Variants in KCND2 observed in about 807,000 individuals in gnomAD.
KCND2 encodes the protein potassium voltage-gated channel subfamily D member 2.
KCND2 carries 16 observed loss-of-function variants against 54.4 expected under a neutral mutation model. The observed-to-expected ratio is 0.29, with a 90% confidence interval of 0.20 to 0.45. KCND2 has a LOEUF of 0.45. KCND2 is among the 20% of genes least tolerant of loss of function. The pLI, the probability that KCND2 is intolerant of heterozygous loss-of-function variation, is 1.00. For synonymous variants in KCND2, 317 were observed against 310.7 expected (o/e 1.02, Z -0.21); for missense variants, 486 against 824.2 (o/e 0.59, Z 5.02).
chr7:120,744,822 C>T (rs1298440392), intron 4 of KCND2, among the ~76,000 whole-genome samples: 2 of 152,108 alleles, frequency 1.3e-5, no homozygotes, highest in Non-Finnish European at 2.9e-5. Context: ...TATCCCCACC[C>T]ATGCAAAGAA....
chr7:120,457,273 T>A (rs1188340143), intron 1 of KCND2, among the ~76,000 whole-genome samples: 1 of 152,230 alleles, frequency 6.6e-6, no homozygotes, highest in Non-Finnish European at 1.5e-5. Flanking sequence ...CATCAGCTCC[T>A]CATTACTTAT....
At chr7:120,578,254 C>T (rs1223414323) in intron 1 of KCND2, among the ~76,000 whole-genome samples, 3 of 151,950 alleles carry the variant, frequency 2.0e-5, no homozygotes, top group African/African-American at 7.3e-5. Context: ...AGCCACTGTG[C>T]TCCATCCTGG....
At chr7:120,386,424 T>A (rs17142697) in intron 1 of KCND2, among the ~76,000 whole-genome samples, 1,711 of 152,176 alleles carry the variant, frequency 0.011, 86 homozygotes, top group Admixed American at 0.092. Flanking sequence ...AGGATTATCT[T>A]GGAACTCAAC....
intron 1 of KCND2, among the ~76,000 whole-genome samples, chr7:120,627,811 A>T (rs896101737): frequency 2.9e-4 from 44 of 151,982 alleles, no homozygotes; most frequent in African/African-American, 9.9e-4. Context: ...AGGTGAATTT[A>T]TAATACATAG....
At chr7:120,534,428 C>A (rs543436481) in intron 1 of KCND2, among the ~76,000 whole-genome samples, 2 of 152,180 alleles carry the variant, frequency 1.3e-5, no homozygotes, top group Non-Finnish European at 2.9e-5. Context: ...CTAAAACCAC[C>A]AAATGAGTAT....
At chr7:120,315,265 T>C (rs1005819171) in intron 1 of KCND2, among the ~76,000 whole-genome samples, 1 of 151,936 alleles carries the variant, frequency 6.6e-6, no homozygotes, top group Non-Finnish European at 1.5e-5. Flanking sequence ...AAAGGGAGAG[T>C]TTGAACAGAC....
In KCND2 at chr7:120,325,113, G is replaced by C. The variant is rs538435266; in HGVS notation, c.1115+49366G>C. ...TTGGCTCTCCGTTTGTCTGTTGTTGGTGTATAAGAATGCTTGTGATTTTTG... is the reference window on the plus strand; with the variant it reads ...TTGGCTCTCCGTTTGTCTGTTGTTGCTGTATAAGAATGCTTGTGATTTTTG... On this transcript the variant is annotated intron_variant, in intron 1 of 5. Coordinates refer to ENST00000331113, the MANE Select transcript of KCND2 (RefSeq NM_012281.3). 4.8e-3 allele frequency among the ~76,000 whole-genome samples: 711 copies of C among 147,058 alleles called. 6 individuals are homozygous for C. The highest frequency in any genetic ancestry group is 0.027 in the Admixed American group (390 of 14,382).
chr7:120,543,597 T>C (rs802337), intron 1 of KCND2, among the ~76,000 whole-genome samples: 37,359 of 151,894 alleles, frequency 0.25, 8,101 homozygotes, highest in African/African-American at 0.57. Flanking sequence ...TTTGTTTTTT[T>C]CTAATATGTA....
intron 1 of KCND2, among the ~76,000 whole-genome samples, chr7:120,544,916 G>A (rs1341814990): frequency 6.6e-6 from 1 of 151,668 alleles, no homozygotes; most frequent in Non-Finnish European, 1.5e-5. Flanking sequence ...ATTTTACCTT[G>A]GAAATAAGTG....
chr7:120,341,987 C>T lies in KCND2; in HGVS notation c.1115+66240C>T, dbSNP rs554633338. On this transcript the variant is annotated intron_variant, in intron 1 of 5. Transcript: ENST00000331113. ...AAGTGGCCGTGTGTCAATGTGATCC[C>T]ATCTCATGTGATTTTTAAAACTGTA... 1.6e-4 allele frequency among the ~76,000 whole-genome samples: 25 copies of T among 152,184 alleles called. No individual in the cohort carries two copies. In the South Asian group the frequency reaches 5.2e-3, roughly 32 times the overall value.
chr7:120,539,422 C>T (rs1791952351), intron 1 of KCND2, among the ~76,000 whole-genome samples: 1 of 152,158 alleles, frequency 6.6e-6, no homozygotes, highest in Non-Finnish European at 1.5e-5. Flanking sequence ...GTCTGCAATG[C>T]ACATGATAGA....
At chr7:120,351,055 C>A (rs1178194499) in intron 1 of KCND2, among the ~76,000 whole-genome samples, 1 of 151,054 alleles carries the variant, frequency 6.6e-6, no homozygotes, top group African/African-American at 2.4e-5. Context: ...TTGGTTAAAA[C>A]CTTATAGAAT....
intron 1 of KCND2, among the ~76,000 whole-genome samples, chr7:120,296,046 A>G (rs1047920951): frequency 2.0e-5 from 3 of 152,130 alleles, no homozygotes; most frequent in Admixed American, 6.6e-5. Context: ...ATAATCTACA[A>G]AAATGTGAAC....
intron 1 of KCND2, among the ~76,000 whole-genome samples, chr7:120,705,410 C>T (rs1792455503): frequency 6.6e-6 from 1 of 152,136 alleles, no homozygotes; most frequent in African/African-American, 2.4e-5. Flanking sequence ...AAAGAACACA[C>T]ACAGTTTGCA....
At chr7:120,379,510 G>A (rs1800885079) in intron 1 of KCND2, among the ~76,000 whole-genome samples, 1 of 151,838 alleles carries the variant, frequency 6.6e-6, no homozygotes, top group African/African-American at 2.4e-5. Flanking sequence ...ACATCTCTGG[G>A]TGACTGACAG....
At chr7:120,403,062 C>T (rs1349902136) in intron 1 of KCND2, among the ~76,000 whole-genome samples, 1 of 152,188 alleles carries the variant, frequency 6.6e-6, no homozygotes, top group Non-Finnish European at 1.5e-5. Context: ...CTGGCTTTCT[C>T]TCCTGCATTG....
chr7:120,437,070 G>A (rs950625688), intron 1 of KCND2, among the ~76,000 whole-genome samples: 2 of 151,984 alleles, frequency 1.3e-5, no homozygotes, highest in African/African-American at 4.8e-5. Flanking sequence ...AAGCAAATAT[G>A]GGAAAAACAA....
chr7:120,385,345 A>G (rs1227487786), intron 1 of KCND2, among the ~76,000 whole-genome samples: 2 of 151,990 alleles, frequency 1.3e-5, no homozygotes, highest in African/African-American at 4.8e-5. Context: ...AAAGATGAAT[A>G]TCTTGAATGC....
chr7:120,614,521 C>T (rs1311809149), intron 1 of KCND2, among the ~76,000 whole-genome samples: 1 of 152,074 alleles, frequency 6.6e-6, no homozygotes, highest in Non-Finnish European at 1.5e-5. Flanking sequence ...ATTCCTTTGC[C>T]AACAATCTCC....
Sources: gnomAD v4.1 joint callset for allele counts (sites outside exome capture counted in the v4.1 genomes callset) on GRCh38, gnomAD v4.1.1 for gene constraint, MANE v1.5 for transcripts, NCBI Gene and HGNC (gene_info 2026-07-23, HGNC 2026-07-21) for gene names.